Variants in CNN2 observed in about 807,000 individuals in gnomAD.
CNN2 encodes calponin-2.
CNN2 carries 21 observed loss-of-function variants against 31.0 expected under a neutral mutation model. The observed-to-expected ratio is 0.68, with a 90% CI of 0.48 to 0.98. The LOEUF (loss-of-function observed/expected upper bound fraction) is 0.98. CNN2 is among the 50% of genes least tolerant of loss of function. The pLI is 0.00. For synonymous variants in CNN2, 165 were observed against 179.6 expected, an observed-to-expected ratio of 0.92 and a Z score of 0.65; for missense variants, 399 against 427.3, an observed-to-expected ratio of 0.93 and a Z score of 0.58.
chr19:1,032,253 A>AATT, intron 2 of CNN2, 139 bp from the exon 3 acceptor site: 1 of 816,454 alleles, frequency 1.2e-6, no homozygotes. Context: ...AAAAAAAAAG[A>AATT]GTGGAAACTG....
At chr19:1,030,975 C>G in intron 1 of CNN2, 96 bp from the exon 2 acceptor site, 2 of 1,445,852 alleles carry the variant, frequency 1.4e-6, no homozygotes, top group South Asian at 2.7e-5. Context: ...TGCTGTTGCC[C>G]TGGAGTCCCC....
rs769710319 is a variant in CNN2 at position 1,037,820 on chromosome 19, C to G, written c.850C>G (p.Pro284Ala). The change falls in exon 7 of 7, where the codon CCC becomes GCC. Residue 284 changes from proline to alanine, a missense_variant. Physicochemically the swap from Pro to Ala is conservative, Grantham distance 27. Transcript: ENST00000263097. ...GCAAGGCACAGTGGCCGATGGGGCT[C>G]CCTCGGGCACCGGCGACTGCCCGGA... ...CPQGTVADGA[P>A]SGTGDCPDPG... The G allele has an allele frequency of 6.2e-7, 1 of 1,608,464 alleles. No homozygotes were observed. Among genetic ancestry groups the G allele is most frequent in the African/African-American group, 1.3e-5 (1 of 74,960 alleles).
At chr19:1,030,943 G>T (rs1203927632) in intron 1 of CNN2, 128 bp from the exon 2 acceptor site, 18 of 1,204,186 alleles carry the variant, frequency 1.5e-5, no homozygotes, top group Non-Finnish European at 2.1e-5. Flanking sequence ...GTGGTGAGGG[G>T]GGACCTCCAG....
chr19:1,037,397 C>T (rs762629660), intron 6 of CNN2: 4 of 536,002 alleles, frequency 7.5e-6, no homozygotes, highest in East Asian at 3.2e-5. Flanking sequence ...CTCAGCCTCC[C>T]GAGTAGCTGG....
chr19:1,035,784 TG>T (rs2039572191), intron 4 of CNN2, among the ~76,000 whole-genome samples: 2 of 152,062 alleles, frequency 1.3e-5, no homozygotes, highest in African/African-American at 2.4e-5. Context: ...TAGCCTGGCG[TG>T]GTGGCACACG....
intron 2 of CNN2, among the ~76,000 whole-genome samples, chr19:1,032,030 C>G (rs148931476): frequency 2.8e-3 from 425 of 151,984 alleles, no homozygotes; most frequent in Middle Eastern, 0.01. Context: ...GAGATCGAGA[C>G]CAGCCTGGAC....
In CNN2 at chr19:1,032,660, G is replaced by A. The variant is rs777031042; in HGVS notation, c.354G>A (p.Thr118=). The change falls in exon 4 of 7, where the codon ACG becomes ACA. Residue 118 remains threonine, a synonymous_variant. Coordinates refer to ENST00000263097, the MANE Select transcript of CNN2 (RefSeq NM_004368.4). ...ANDLFESGNM[T]QVQVSLLALA... The stretch of plus-strand genomic sequence containing the variant: ...ACCTGTTTGAGAGTGGGAACATGAC[G>A]CAGGTGCAGGTGTCTCTTCTCGCCC... The A allele has an allele frequency of 1.1e-5, 18 of 1,612,164 alleles. No homozygotes were observed. Among genetic ancestry groups the A allele is most frequent in the East Asian group, 6.7e-5 (3 of 44,882 alleles).
intron 1 of CNN2, among the ~76,000 whole-genome samples, chr19:1,029,874 A>G (rs780977367): frequency 5.3e-5 from 8 of 151,820 alleles, no homozygotes; most frequent in Non-Finnish European, 1.0e-4. Flanking sequence ...TCATTTTTGT[A>G]TTTTAGTACA....
At chr19:1,036,047 G>C in intron 4 of CNN2, 83 bp from the exon 5 acceptor site, 1 of 1,484,392 alleles carries the variant, frequency 6.7e-7, no homozygotes, top group Non-Finnish European at 8.9e-7. Flanking sequence ...GCCGCGGCCT[G>C]GTCTCTGTCC....
intron 1 of CNN2, 45 bp from the exon 2 acceptor site, chr19:1,031,026 G>C (rs749762004): frequency 1.3e-6 from 2 of 1,577,382 alleles, no homozygotes; most frequent in South Asian, 2.3e-5. Flanking sequence ...TTCCTGCTGG[G>C]GGTGCCCCCA....
Position 1,037,847 on chromosome 19 carries a change from C to G in CNN2, c.877C>G (p.Pro293Ala). The change falls in exon 7 of 7, where the codon CCG (proline) becomes GCG (alanine). Residue 293 changes from proline to alanine, a missense_variant. Transcript: ENST00000263097. ...CTCGGGCACCGGCGACTGCCCGGAC[C>G]CGGGGGAGGTCCCTGAATATCCCCC... ...APSGTGDCPD[P>A]GEVPEYPPYY... 3 of 1,605,210 alleles carry G rather than the reference C, an allele frequency of 1.9e-6. No homozygotes were observed. Among genetic ancestry groups the G allele is most frequent in the Non-Finnish European group, 2.6e-6 (3 of 1,175,100 alleles).
Position 1,037,722 on chromosome 19 carries a change from A to C in CNN2, c.752A>C (p.Tyr251Ser). 6.2e-7 allele frequency: 1 copy of C among 1,611,660 alleles called. No homozygotes were observed. ...DNSSMSLQMGYTQGANQSGQV... is the reference protein window; with the variant it reads ...DNSSMSLQMGSTQGANQSGQV... Reference sequence around the variant, plus strand: ...TCCTCCATGTCCCTGCAGATGGGCTACACGCAGGGCGCCAACCAGAGCGGC... The same window carrying C: ...TCCTCCATGTCCCTGCAGATGGGCTCCACGCAGGGCGCCAACCAGAGCGGC... The change falls in exon 7 of 7, where the codon TAC becomes TCC. Residue 251 changes from tyrosine (Y) to serine (S), a missense_variant. Physicochemically the swap from Tyr to Ser is moderately radical, Grantham distance 144. Transcript: ENST00000263097.
chr19:1,033,626 G>GTGTC (rs1319536899), intron 4 of CNN2, among the ~76,000 whole-genome samples: 6 of 141,086 alleles, frequency 4.3e-5, no homozygotes, highest in African/African-American at 5.3e-5. Flanking sequence ...GGGTGGGACA[G>GTGTC]TGGTGTAGAC....
intron 1 of CNN2, 44 bp from the exon 2 acceptor site, chr19:1,031,027 G>A: frequency 1.3e-6 from 2 of 1,577,650 alleles, no homozygotes; most frequent in South Asian, 1.1e-5. Context: ...TCCTGCTGGG[G>A]GTGCCCCCAG....
intron 6 of CNN2, 109 bp downstream of exon 6, chr19:1,036,671 G>C (rs1321410548): frequency 2.9e-6 from 4 of 1,400,238 alleles, no homozygotes; most frequent in Admixed American, 1.7e-5. Context: ...CTCAGTCTCA[G>C]CCCCTTCCCT....
At chr19:1,028,346 C>T (rs1201206886) in intron 1 of CNN2, among the ~76,000 whole-genome samples, 1 of 152,096 alleles carries the variant, frequency 6.6e-6, no homozygotes. Flanking sequence ...CCGCGCAACC[C>T]TCAGTCTGTC....
At chr19:1,028,172 A>C (rs1335240082) in intron 1 of CNN2, among the ~76,000 whole-genome samples, 1 of 144,302 alleles carries the variant, frequency 6.9e-6, no homozygotes. Context: ...CACAAGTGAC[A>C]GGGCCAAGAC....
At position 1,036,457 on chromosome 19, in the gene CNN2, C is replaced by A. The variant is rs1064410; in HGVS notation, c.549C>A (p.Ala183=). ...GCGCCAGCCAGTCGGGCATGACTGC[C>A]TACGGCACGAGAAGGCATCTCTATG... ...NKCASQSGMT[A]YGTRRHLYDP... is the part of the protein sequence containing the mutation. The change falls in exon 6 of 7, where the codon GCC becomes GCA. Residue 183 remains alanine (A), a synonymous_variant. Transcript: ENST00000263097. 1.2e-6 allele frequency: 2 copies of A among 1,612,586 alleles called. No homozygotes were observed. Among genetic ancestry groups the A allele is most frequent in the African/African-American group, 1.3e-5 (1 of 74,684 alleles).
At chr19:1,036,377 T>C in intron 5 of CNN2, 39 bp from the exon 6 acceptor site, 2 of 1,603,990 alleles carry the variant, frequency 1.2e-6, no homozygotes, top group East Asian at 2.2e-5. Flanking sequence ...CGGAAGCTTG[T>C]TGGGTGCAGT....
Sources: gnomAD v4.1 joint callset for allele counts (sites outside exome capture counted in the v4.1 genomes callset) on GRCh38, gnomAD v4.1.1 for gene constraint, MANE v1.5 for transcripts, NCBI Gene and HGNC (gene_info 2026-07-23, HGNC 2026-07-21) for gene names.